VWA8: variants seen among roughly 807,000 people sequenced by gnomAD.
VWA8 encodes von Willebrand factor A domain containing 8.
Under a neutral mutation model 241.5 loss-of-function variants are expected in VWA8, and 221 were observed. The observed-to-expected ratio is 0.91, with a 90% CI of 0.82 to 1.02. The LOEUF is 1.02. Among genes scored for constraint, VWA8 ranks in the 50% least tolerant of loss-of-function variants. VWA8 has a pLI of 0.00. For synonymous variants in VWA8, 852 were observed against 827.1 expected (o/e 1.03, Z -0.52); for missense variants, 2,322 against 2,328.7 (o/e 1.00, Z 0.06).
Position 41,879,551 on chromosome 13 carries a change from C to A in VWA8, c.1080+3836G>T, listed in dbSNP as rs534689744. Among the ~76,000 whole-genome samples the A allele has an allele frequency of 3.3e-5, 5 of 151,874 alleles. No individual in the cohort carries two copies. The East Asian group carries it at 7.7e-4, about 23-fold the overall frequency. ...CTTATAGATTCCGTCTCTAACTACA[C>A]CTCTCTTCTCATTATCTATTAGGAA... On this transcript the variant is annotated intron_variant, in intron 9 of 44. Transcript: ENST00000379310.
chr13:41,843,959 G>A (rs1407199284), intron 12 of VWA8, among the ~76,000 whole-genome samples: 1 of 152,034 alleles, frequency 6.6e-6, no homozygotes, highest in Non-Finnish European at 1.5e-5. Flanking sequence ...CACAACTGAG[G>A]AATAAGGACT....
At chr13:41,573,344 G>C (rs2044323295) in intron 43 of VWA8, among the ~76,000 whole-genome samples, 1 of 150,652 alleles carries the variant, frequency 6.6e-6, no homozygotes, top group Non-Finnish European at 1.5e-5. Context: ...CTTGAACCCG[G>C]GAGGAGGAGG....
intron 2 of VWA8, among the ~76,000 whole-genome samples, chr13:41,921,542 T>C (rs1414510637): frequency 2.6e-5 from 4 of 152,212 alleles, no homozygotes; most frequent in African/African-American, 4.8e-5. Context: ...GAAAGCCCCA[T>C]TGTCTCAGCC....
chr13:41,675,579 A>G (rs999605531), intron 35 of VWA8, among the ~76,000 whole-genome samples: 1 of 152,074 alleles, frequency 6.6e-6, no homozygotes, highest in Non-Finnish European at 1.5e-5. Flanking sequence ...GTTTTTTTAA[A>G]AAATATTTCA....
chr13:41,901,911 TATAC>T (rs374802180), intron 4 of VWA8, among the ~76,000 whole-genome samples: 6,885 of 79,958 alleles, frequency 0.086, 287 homozygotes, highest in South Asian at 0.11. Flanking sequence ...TATATATATA[TATAC>T]ACACACATAT....
chr13:41,738,362 T>A lies in VWA8; in HGVS notation c.2427-6207A>T, dbSNP rs114191780. ...CATCTGTGATGAAACACTTTGCTCT[T>A]CAGAGGTAGGGTCTTGCTGGGAACT... On this transcript the variant is annotated intron_variant, in intron 21 of 44. Coordinates refer to ENST00000379310, the MANE Select transcript of VWA8 (RefSeq NM_015058.2). Among the ~76,000 whole-genome samples, 1,251 of 152,234 alleles carry A rather than the reference T, an allele frequency of 8.2e-3. 16 individuals carry two copies. Among genetic ancestry groups the A allele is most frequent in the African/African-American group, 0.029 (1,201 of 41,552 alleles).
chr13:41,674,409 T>C (rs2137801999), intron 36 of VWA8, among the ~76,000 whole-genome samples: 1 of 152,254 alleles, frequency 6.6e-6, no homozygotes, highest in South Asian at 2.1e-4. Context: ...AGTGGCAATG[T>C]GAGGGAGTAC....
At chr13:41,787,135 A>C (rs1869231086) in intron 18 of VWA8, among the ~76,000 whole-genome samples, 2 of 148,340 alleles carry the variant, frequency 1.3e-5, no homozygotes, top group South Asian at 4.4e-4. Context: ...CATTTCTCAA[A>C]ATTAGACAAG....
chr13:41,703,901 C>T (rs2045266529), intron 26 of VWA8, among the ~76,000 whole-genome samples: 1 of 151,392 alleles, frequency 6.6e-6, no homozygotes, highest in African/African-American at 2.4e-5. Context: ...TTTTAGCCTT[C>T]CTGAGTAGCT....
Position 41,876,230 on chromosome 13 carries a change from TG to T in VWA8, c.1080+7156del, listed in dbSNP as rs778018806. Among the ~76,000 whole-genome samples, 3 of 152,114 alleles carry T rather than the reference TG, an allele frequency of 2.0e-5. No homozygotes were observed. The South Asian group carries it at 6.2e-4, about 32-fold the overall frequency. On this transcript the variant is annotated intron_variant, in intron 9 of 44. Transcript: ENST00000379310. ...CACTACTCAGCAACCAGAATGAGCC[TG>T]TTAAAATGATCACTCATACAACACA...
intron 16 of VWA8, among the ~76,000 whole-genome samples, chr13:41,814,974 C>T (rs1870627283): frequency 6.6e-6 from 1 of 152,050 alleles, no homozygotes; most frequent in African/African-American, 2.4e-5. Flanking sequence ...TATAAAGAAT[C>T]TTAAAGCAGA....
At chr13:41,620,387 T>C (rs114837852) in intron 37 of VWA8, among the ~76,000 whole-genome samples, 5,026 of 152,204 alleles carry the variant, frequency 0.033, 279 homozygotes, top group African/African-American at 0.11. Flanking sequence ...TTGCCAGCGG[T>C]CTATCTATTC....
chr13:41,604,698 T>C (rs911078902), intron 40 of VWA8, among the ~76,000 whole-genome samples: 1 of 152,136 alleles, frequency 6.6e-6, no homozygotes, highest in African/African-American at 2.4e-5. Context: ...TGTCCTGAAA[T>C]GAGGCTTTGC....
At chr13:41,828,782 C>A (rs1458674176) in intron 14 of VWA8, among the ~76,000 whole-genome samples, 1 of 152,114 alleles carries the variant, frequency 6.6e-6, no homozygotes, top group African/African-American at 2.4e-5. Context: ...ACCACAATAT[C>A]ATTATCATAC....
chr13:41,895,844 T>TAG (rs1875079368), intron 4 of VWA8, among the ~76,000 whole-genome samples: 7 of 151,168 alleles, frequency 4.6e-5, no homozygotes, highest in Admixed American at 3.9e-4. Context: ...TTTTTTTTTT[T>TAG]TTTTTAGTTT....
intron 1 of VWA8, among the ~76,000 whole-genome samples, chr13:41,957,687 G>T (rs986910930): frequency 6.6e-6 from 1 of 152,112 alleles, no homozygotes; most frequent in Non-Finnish European, 1.5e-5. Context: ...ATAAATTTGG[G>T]TGGGAGGATC....
chr13:41,836,623 A>C (rs1044228786), intron 12 of VWA8, among the ~76,000 whole-genome samples: 2 of 152,224 alleles, frequency 1.3e-5, no homozygotes, highest in Admixed American at 6.5e-5. Context: ...TTATGATTCC[A>C]AAGTATTTTT....
intron 17 of VWA8, among the ~76,000 whole-genome samples, chr13:41,791,005 T>C (rs1490248368): frequency 6.6e-6 from 1 of 152,018 alleles, no homozygotes; most frequent in Non-Finnish European, 1.5e-5. Flanking sequence ...TAATTTATCT[T>C]GATTTTTGTC....
intron 21 of VWA8, among the ~76,000 whole-genome samples, chr13:41,740,642 A>C (rs1376103193): frequency 4.6e-5 from 7 of 152,222 alleles, no homozygotes; most frequent in African/African-American, 7.2e-5. Flanking sequence ...GATGCCAAGA[A>C]GGAGGTATGT....
Sources: allele counts gnomAD v4.1 joint callset (sites outside exome capture counted in the v4.1 genomes callset), GRCh38; gene constraint gnomAD v4.1.1; transcripts MANE v1.5; gene names NCBI Gene and HGNC (gene_info 2026-07-23, HGNC 2026-07-21).